Variants in CNTN4 observed in about 807,000 individuals in gnomAD.
CNTN4 encodes contactin 4.
In CNTN4, 77 loss-of-function variants were observed where a neutral mutation model predicts 122.5. That is an observed-to-expected ratio of 0.63 (90% CI 0.52 to 0.76). CNTN4 has a LOEUF of 0.76. Among genes scored for constraint, CNTN4 ranks in the 30% least tolerant of loss-of-function variants. The pLI is 0.00. For synonymous variants in CNTN4, 512 were observed against 447.0 expected, an observed-to-expected ratio of 1.15 and a Z score of -1.83; for missense variants, 1,256 against 1,259.1, an observed-to-expected ratio of 1.00 and a Z score of 0.04.
intron 3 of CNTN4, among the ~76,000 whole-genome samples, chr3:2,399,571 A>G (rs1282242199): frequency 1.3e-5 from 2 of 152,226 alleles, no homozygotes; most frequent in East Asian, 1.9e-4. Flanking sequence ...TTTGTAAATG[A>G]AAATGTTAAT....
At chr3:2,183,159 C>T (rs904983016) in intron 2 of CNTN4, among the ~76,000 whole-genome samples, 2 of 152,074 alleles carry the variant, frequency 1.3e-5, no homozygotes, top group African/African-American at 4.8e-5. Flanking sequence ...CTGGATCTCT[C>T]ATTATGAGTA....
intron 4 of CNTN4, among the ~76,000 whole-genome samples, chr3:2,655,851 G>A (rs1254339898): frequency 2.6e-5 from 4 of 152,120 alleles, no homozygotes; most frequent in Admixed American, 2.6e-4. Context: ...TTTCTTTCAG[G>A]ATAATCCCAC....
intron 2 of CNTN4, among the ~76,000 whole-genome samples, chr3:2,164,563 T>A (rs1192268434): frequency 6.6e-6 from 1 of 152,148 alleles, no homozygotes; most frequent in African/African-American, 2.4e-5. Flanking sequence ...ATAAAAACTT[T>A]TAGACATACC....
chr3:2,823,349 C>T (rs766066923), intron 7 of CNTN4, among the ~76,000 whole-genome samples: 3 of 152,148 alleles, frequency 2.0e-5, no homozygotes, highest in African/African-American at 2.4e-5. Context: ...GAAAGCTGTG[C>T]GGTGTCAGAC....
intron 14 of CNTN4, among the ~76,000 whole-genome samples, chr3:2,994,481 G>A (rs1303361725): frequency 5.3e-5 from 8 of 151,716 alleles, no homozygotes; most frequent in Admixed American, 1.3e-4. Flanking sequence ...CCTACAAGCC[G>A]AAAAGGTTCC....
intron 2 of CNTN4, among the ~76,000 whole-genome samples, chr3:2,277,360 G>T (rs1005879191): frequency 1.3e-5 from 2 of 152,036 alleles, no homozygotes; most frequent in African/African-American, 4.8e-5. Flanking sequence ...GACTTTTGAA[G>T]TTAAAACACA....
intron 3 of CNTN4, among the ~76,000 whole-genome samples, chr3:2,524,568 G>C (rs1426529696): frequency 6.6e-6 from 1 of 152,096 alleles, no homozygotes; most frequent in East Asian, 1.9e-4. Context: ...TAACTAAAGA[G>C]AATATGGAAA....
intron 4 of CNTN4, among the ~76,000 whole-genome samples, chr3:2,642,407 C>T (rs980406055): frequency 1.3e-5 from 2 of 152,188 alleles, no homozygotes; most frequent in Non-Finnish European, 2.9e-5. Flanking sequence ...GCAACACCCT[C>T]ACAGACATAC....
rs921822623 is a variant in CNTN4 at position 2,385,135 on chromosome 3, C to A, written c.-89+45902C>A. Among the ~76,000 whole-genome samples the A allele has an allele frequency of 6.6e-6, 1 of 152,142 alleles. No homozygotes were observed. The highest frequency in any genetic ancestry group is 2.4e-5 in the African/African-American group (1 of 41,440). On this transcript the variant is annotated intron_variant, in intron 3 of 24. Transcript: ENST00000418658. The surrounding 1 kb of genome is among the most constrained non-coding windows in gnomAD (Gnocchi z 4.0). ...TGACCTGTTAAAAGTATAAACATAT[C>A]ATTTTCTACTTTAAACCATAATCCA...
intron 3 of CNTN4, among the ~76,000 whole-genome samples, chr3:2,483,765 C>T (rs889693300): frequency 6.6e-6 from 1 of 152,144 alleles, no homozygotes; most frequent in Non-Finnish European, 1.5e-5. Context: ...TTGTAAGTTT[C>T]CTGAGGCCTC....
chr3:2,499,893 T>A (rs1036144406), intron 3 of CNTN4, among the ~76,000 whole-genome samples: 1 of 152,174 alleles, frequency 6.6e-6, no homozygotes, highest in African/African-American at 2.4e-5. Context: ...TACTTAGTTC[T>A]TCTTTTATTT....
At chr3:2,662,726 G>A (rs73805379) in intron 4 of CNTN4, among the ~76,000 whole-genome samples, 9,387 of 152,158 alleles carry the variant, frequency 0.062, 436 homozygotes, top group African/African-American at 0.13. Flanking sequence ...TAAAGGAAGG[G>A]CAATCATGGC....
intron 4 of CNTN4, among the ~76,000 whole-genome samples, chr3:2,690,819 A>G (rs1232282138): frequency 6.6e-6 from 1 of 152,216 alleles, no homozygotes; most frequent in Non-Finnish European, 1.5e-5. Context: ...ATAAAGTTTT[A>G]TTGCAACACA....
chr3:2,808,647 A>C (rs1373718021), intron 6 of CNTN4, among the ~76,000 whole-genome samples: 1 of 152,166 alleles, frequency 6.6e-6, no homozygotes, highest in Non-Finnish European at 1.5e-5. Flanking sequence ...CATCTCTGGC[A>C]TTCCCTGGGG....
chr3:2,376,349 A>G (rs767397845), intron 3 of CNTN4, among the ~76,000 whole-genome samples: 6 of 152,220 alleles, frequency 3.9e-5, no homozygotes, highest in Non-Finnish European at 8.8e-5. Context: ...CACAATAAAT[A>G]TTAATGTTAA....
chr3:3,001,044 G>A (rs1468819557), intron 14 of CNTN4, among the ~76,000 whole-genome samples: 1 of 152,034 alleles, frequency 6.6e-6, no homozygotes, highest in East Asian at 1.9e-4. Context: ...CATATGTTGG[G>A]ATTTGAAGGG....
At chr3:2,498,431 A>ATTTTCGCTAATTTTTGTTTGTTTG (rs1474080155) in intron 3 of CNTN4, among the ~76,000 whole-genome samples, 1 of 152,000 alleles carries the variant, frequency 6.6e-6, no homozygotes, top group Non-Finnish European at 1.5e-5. Flanking sequence ...AGCAAGCAAT[A>ATTTTCGCTAATTTTTGTTTGTTTG]TTTTCGCTAA....
chr3:2,304,014 A>G (rs2042616403), intron 2 of CNTN4, among the ~76,000 whole-genome samples: 1 of 152,098 alleles, frequency 6.6e-6, no homozygotes, highest in Non-Finnish European at 1.5e-5. Flanking sequence ...TGTTATTTAG[A>G]TTTCCTGTAA....
In CNTN4 at chr3:2,540,895, A is replaced by T. The variant is rs556744859; in HGVS notation, c.-88-30521A>T. On this transcript the variant is annotated intron_variant, in intron 3 of 24. Transcript: ENST00000418658. ...AGAAGGGAAGCAGCCAATATTGTCA[A>T]ACTAACAATGGAACCAATTGTACCT... 6.6e-5 allele frequency among the ~76,000 whole-genome samples: 10 copies of T among 152,170 alleles called. No individual in the cohort carries two copies. The East Asian group carries it at 1.7e-3, about 26-fold the overall frequency.
Sources: gnomAD v4.1 joint callset for allele counts (sites outside exome capture counted in the v4.1 genomes callset) on GRCh38, gnomAD v4.1.1 for gene constraint, Gnocchi (gnomAD v3.1) non-coding constraint, MANE v1.5 for transcripts, NCBI Gene and HGNC (gene_info 2026-07-23, HGNC 2026-07-21) for gene names.